Variants in IQCM observed in about 807,000 individuals in gnomAD.
IQCM encodes the protein IQ domain-containing protein M.
Under a neutral mutation model 57.6 loss-of-function variants are expected in IQCM, and 45 were observed. The observed-to-expected ratio is 0.78, with a 90% CI of 0.62 to 1.00. The LOEUF is 1.00. Ranked by LOEUF, IQCM falls within the 50% of genes least tolerant of loss-of-function variation. The pLI, the probability that IQCM is intolerant of heterozygous loss-of-function variation, is 0.00. For synonymous variants in IQCM, 148 were observed against 158.9 expected, an observed-to-expected ratio of 0.93 and a Z score of 0.51; for missense variants, 468 against 511.6, an observed-to-expected ratio of 0.91 and a Z score of 0.82.
In IQCM at chr4:149,408,172, C is replaced by T. The variant is rs941941231; in HGVS notation, c.1390+25224G>A. ...ATAAATTTATACAATTACAAATTGT[C>T]AATTTACAAAAAAATAATGCCAGGA... On this transcript the variant is annotated intron_variant, in intron 13 of 13. Coordinates refer to ENST00000636793, the MANE Select transcript of IQCM (RefSeq NM_001363507.2). 1.2e-4 allele frequency among the ~76,000 whole-genome samples: 18 copies of T among 152,014 alleles called. No individual in the cohort carries two copies. In the Middle Eastern group the frequency reaches 0.014, roughly 115 times the overall value.
intron 12 of IQCM, among the ~76,000 whole-genome samples, chr4:149,443,828 T>A (rs1370929335): frequency 6.6e-6 from 1 of 151,890 alleles, no homozygotes; most frequent in Non-Finnish European, 1.5e-5. Flanking sequence ...GTAGAAAAAG[T>A]ACAAATGCTA....
At chr4:149,787,360 A>G (rs895165756) in intron 2 of IQCM, among the ~76,000 whole-genome samples, 5 of 152,176 alleles carry the variant, frequency 3.3e-5, no homozygotes, top group African/African-American at 1.2e-4. Flanking sequence ...AATGGAAAAA[A>G]TCCTAAAACT....
Position 149,610,494 on chromosome 4 carries a change from C to T in IQCM, c.681+10635G>A, listed in dbSNP as rs542103535. On this transcript the variant is annotated intron_variant, in intron 8 of 13. Coordinates refer to ENST00000636793, the MANE Select transcript of IQCM (RefSeq NM_001363507.2). ...AAATTATACTATAAAGCTATGGTAA[C>T]ATAAACAGCCTGATAGTGGCATAAA... Among the ~76,000 whole-genome samples the T allele has an allele frequency of 2.6e-5, 4 of 152,078 alleles. No individual in the cohort carries two copies. The South Asian group carries it at 6.2e-4, about 24-fold the overall frequency.
intron 12 of IQCM, among the ~76,000 whole-genome samples, chr4:149,542,700 T>C (rs972521687): frequency 5.9e-5 from 9 of 152,126 alleles, no homozygotes; most frequent in African/African-American, 2.2e-4. Flanking sequence ...TTGTTTAATA[T>C]TTAAACATTT....
chr4:149,710,605 C>T (rs574598978), intron 5 of IQCM, among the ~76,000 whole-genome samples: 51 of 152,176 alleles, frequency 3.4e-4, no homozygotes, highest in African/African-American at 1.1e-3. Flanking sequence ...ACGTAGGAAC[C>T]GTCACTATTT....
intron 12 of IQCM, among the ~76,000 whole-genome samples, chr4:149,542,980 G>C (rs2654807): frequency 0.21 from 32,407 of 151,690 alleles, 4,329 homozygotes; most frequent in Non-Finnish European, 0.29. Context: ...GCTAACCCCA[G>C]AGCCATGCTC....
chr4:149,768,343 G>A lies in IQCM; in HGVS notation c.-48-25604C>T, dbSNP rs72728512. Among the ~76,000 whole-genome samples the A allele has an allele frequency of 5.7e-3, 869 of 152,064 alleles. 2 individuals carry two copies. The highest frequency in any genetic ancestry group is 8.7e-3 in the Non-Finnish European group (594 of 67,928). ...GATAATAAAACCAGAGTTAGAATTC[G>A]AAAATTTTACTTTCTAGGTAGATCA... On this transcript the variant is annotated intron_variant, in intron 2 of 13. Transcript: ENST00000636793.
intron 9 of IQCM, among the ~76,000 whole-genome samples, chr4:149,571,106 A>G (rs1751113665): frequency 6.6e-6 from 1 of 152,092 alleles, no homozygotes. Flanking sequence ...AAAAATTAAA[A>G]ACAGAATACC....
intron 9 of IQCM, among the ~76,000 whole-genome samples, chr4:149,587,150 G>A (rs556660373): frequency 6.7e-4 from 102 of 151,688 alleles, no homozygotes; most frequent in Non-Finnish European, 1.2e-3. Flanking sequence ...GAGGTTTTCT[G>A]CCTAAGTTCT....
intron 7 of IQCM, among the ~76,000 whole-genome samples, chr4:149,656,045 A>G (rs1245269422): frequency 6.6e-6 from 1 of 152,166 alleles, no homozygotes; most frequent in Non-Finnish European, 1.5e-5. Context: ...GATACTTGTG[A>G]GGCTCCAGGT....
rs79450465 is a variant in IQCM, at chr4:149,771,954, G to A, written c.-48-29215C>T. Among the ~76,000 whole-genome samples, 656 of 152,182 alleles carry A rather than the reference G, an allele frequency of 4.3e-3. 7 individuals are homozygous for A. Among genetic ancestry groups the A allele is most frequent in the African/African-American group, 0.015 (636 of 41,546 alleles). ...ATGACCCTATGTCCCATTTCAATCA[G>A]TTAAATCTTTGCACCTATTATCCTA... is the stretch of plus-strand genomic sequence containing the variant. On this transcript the variant is annotated intron_variant, in intron 2 of 13. Transcript: ENST00000636793.
chr4:149,478,757 G>C (rs74839255), intron 12 of IQCM, among the ~76,000 whole-genome samples: 1,574 of 152,122 alleles, frequency 0.01, 33 homozygotes, highest in African/African-American at 0.036. Context: ...AGTCTTTCTA[G>C]GGACTCCTAG....
At chr4:149,376,478 T>A (rs79255759) in intron 13 of IQCM, among the ~76,000 whole-genome samples, 1 of 152,172 alleles carries the variant, frequency 6.6e-6, no homozygotes, top group Non-Finnish European at 1.5e-5. Context: ...TAGTTTTTTT[T>A]AAGGCATTCT....
At chr4:149,358,496 G>A (rs1161596845) in intron 13 of IQCM, among the ~76,000 whole-genome samples, 4 of 151,850 alleles carry the variant, frequency 2.6e-5, no homozygotes, top group Admixed American at 6.6e-5. Flanking sequence ...CCTTCATTTC[G>A]TTATGTACAC....
chr4:149,487,817 G>A (rs1741682822), intron 12 of IQCM, among the ~76,000 whole-genome samples: 1 of 152,122 alleles, frequency 6.6e-6, no homozygotes, highest in Non-Finnish European at 1.5e-5. Flanking sequence ...GGAGATGGGG[G>A]TGAGTGATAC....
rs887896034 is a variant in IQCM at position 149,593,980 on chromosome 4, T to C, written c.682-5983A>G. Among the ~76,000 whole-genome samples the C allele has an allele frequency of 8.9e-4, 135 of 152,296 alleles. 1 individual carries two copies. The highest frequency in any genetic ancestry group is 3.1e-3 in the African/African-American group (129 of 41,566). On this transcript the variant is annotated intron_variant, in intron 8 of 13. Transcript: ENST00000636793. The stretch of plus-strand genomic sequence containing the variant: ...GATGATGCTGGCCTCATCAAATGAG[T>C]TAGGGAGGATTCCCTCTTTTTCTAT...
At chr4:149,571,322 G>A (rs955497968) in intron 9 of IQCM, among the ~76,000 whole-genome samples, 1 of 152,074 alleles carries the variant, frequency 6.6e-6, no homozygotes, top group Non-Finnish European at 1.5e-5. Context: ...TAAAAGGAAG[G>A]AAATTCTGTA....
At chr4:149,797,504 T>C (rs1415868422) in intron 2 of IQCM, among the ~76,000 whole-genome samples, 1 of 151,982 alleles carries the variant, frequency 6.6e-6, no homozygotes, top group Non-Finnish European at 1.5e-5. Context: ...GGAAAGCTTA[T>C]TCAAGGGGAT....
At chr4:149,778,561 A>G (rs1489023979) in intron 2 of IQCM, among the ~76,000 whole-genome samples, 1 of 152,070 alleles carries the variant, frequency 6.6e-6, no homozygotes, top group East Asian at 1.9e-4. Context: ...TAAGAGCAAA[A>G]ACCCAATTAT....
Sources: allele counts gnomAD v4.1 joint callset (sites outside exome capture counted in the v4.1 genomes callset), GRCh38; gene constraint gnomAD v4.1.1; transcripts MANE v1.5; gene names NCBI Gene and HGNC (gene_info 2026-07-23, HGNC 2026-07-21).